Variants in NELFA observed in about 807,000 individuals in gnomAD.
The protein encoded by NELFA is negative elongation factor A.
In NELFA, 35 loss-of-function variants were observed where a neutral mutation model predicts 51.8. The observed-to-expected ratio is 0.68, with a 90% CI of 0.52 to 0.90. NELFA has a LOEUF of 0.90. NELFA is among the 40% of genes least tolerant of loss of function. NELFA has a pLI of 0.00. For missense variants in NELFA, 658 were observed against 746.4 expected, an observed-to-expected ratio of 0.88 and a Z score of 1.38; for synonymous variants, 417 against 338.4, an observed-to-expected ratio of 1.23 and a Z score of -2.55.
Position 1,986,372 on chromosome 4 carries a change from G to A in NELFA, c.665C>T (p.Pro222Leu). The change falls in exon 5 of 11, where the codon CCC becomes CTC. Residue 222 changes from proline (P) to leucine (L), a missense_variant. By Grantham distance (98) the Pro-to-Leu change is moderately conservative. Around this residue, in one of 3 missense-constraint regions of NELFA, gnomAD observed 371 missense variants for 448.3 expected, o/e 0.83. Coordinates refer to ENST00000382882, the MANE Select transcript of NELFA (RefSeq NM_005663.5). The part of the protein sequence containing the change: ...TPLKGIPKQA[P>L]FRSPTAPSVF... Reference sequence around the variant, plus strand: ...GCTGGGCGCCGTGGGGCTTCTGAAGGGCGCCTGCTTCGGGATGCCTTTGAG... The same window carrying A: ...GCTGGGCGCCGTGGGGCTTCTGAAGAGCGCCTGCTTCGGGATGCCTTTGAG... The A allele has an allele frequency of 1.2e-6, 2 of 1,610,856 alleles. No homozygotes were observed. The highest frequency in any genetic ancestry group is 1.7e-6 in the Non-Finnish European group (2 of 1,178,892).
chr4:1,993,593 A>G (rs1025376518), intron 1 of NELFA, among the ~76,000 whole-genome samples: 3 of 150,280 alleles, frequency 2.0e-5, no homozygotes, highest in Non-Finnish European at 4.4e-5. Flanking sequence ...AAAAAAAAGA[A>G]AGAAAGAAAG....
chr4:2,002,882 T>C (rs1728615623), intron 1 of NELFA, among the ~76,000 whole-genome samples: 1 of 152,026 alleles, frequency 6.6e-6, no homozygotes, highest in South Asian at 2.1e-4. Context: ...AATTGACAAA[T>C]GGGATCTAAT....
Position 1,989,928 on chromosome 4 carries a change from A to T in NELFA, c.383-59T>A, listed in dbSNP as rs961104231. On this transcript the variant is annotated intron_variant, in intron 2 of 10. Transcript: ENST00000382882. The surrounding 1 kb of genome is among the most constrained non-coding windows in gnomAD (Gnocchi z 4.8). Reference sequence around the variant, plus strand: ...CCAGGCCGCAGACCTCCCGGCTGAGAGGAGCTGGCGGCTGCCCAGCCCCAC... The same window carrying T: ...CCAGGCCGCAGACCTCCCGGCTGAGTGGAGCTGGCGGCTGCCCAGCCCCAC... 14 of 1,574,058 alleles carry T rather than the reference A, an allele frequency of 8.9e-6. No homozygotes were observed. The highest frequency in any genetic ancestry group is 1.8e-4 in the Middle Eastern group (1 of 5,540).
At chr4:1,985,703 A>G in intron 7 of NELFA, 73 bp downstream of exon 7, 1 of 1,145,430 alleles carries the variant, frequency 8.7e-7, no homozygotes, top group South Asian at 1.3e-5. Flanking sequence ...GACAGAGCAC[A>G]CTAGTGGCCA....
intron 1 of NELFA, among the ~76,000 whole-genome samples, chr4:1,995,840 A>C (rs955598018): frequency 6.6e-6 from 1 of 151,902 alleles, no homozygotes; most frequent in Non-Finnish European, 1.5e-5. Flanking sequence ...CAAACCCATA[A>C]TCCTAACGGG....
chr4:1,994,067 C>T (rs1728357522), intron 1 of NELFA, among the ~76,000 whole-genome samples: 1 of 152,170 alleles, frequency 6.6e-6, no homozygotes, highest in Non-Finnish European at 1.5e-5. Flanking sequence ...ATGTCTCTTC[C>T]TCTTCCCTGG....
intron 1 of NELFA, chr4:1,992,585 T>G (rs946894151): frequency 4.0e-6 from 1 of 246,986 alleles, no homozygotes; most frequent in African/African-American, 2.4e-5. Context: ...CCCTGCCCTG[T>G]CCAGACGCCG....
At chr4:1,988,029 T>A in intron 3 of NELFA, 22 bp from the exon 4 acceptor site, 2 of 1,599,214 alleles carry the variant, frequency 1.3e-6, no homozygotes, top group East Asian at 4.5e-5. Context: ...AGGTCACATA[T>A]GTCAGGGATC....
intron 1 of NELFA, chr4:1,992,486 T>C (rs113383417): frequency 2.3e-6 from 1 of 432,890 alleles, no homozygotes. Context: ...AGCCAGGCCA[T>C]GGCGTGCCTG....
intron 7 of NELFA, 31 bp from the exon 8 acceptor site, chr4:1,984,950 A>AT: frequency 2.7e-6 from 4 of 1,491,670 alleles, no homozygotes; most frequent in Non-Finnish European, 3.7e-6. Context: ...TTCCTTCCAG[A>AT]AGAGGCCATG....
chr4:1,986,480 C>A, intron 4 of NELFA, 78 bp from the exon 5 acceptor site: 1 of 1,603,546 alleles, frequency 6.2e-7, no homozygotes, highest in Non-Finnish European at 8.5e-7. Context: ...AACGTCCCAC[C>A]CTCTTCTAGG....
chr4:2,002,036 T>TA (rs1246949292), intron 1 of NELFA, among the ~76,000 whole-genome samples: 1 of 149,690 alleles, frequency 6.7e-6, no homozygotes, highest in Admixed American at 6.7e-5. Flanking sequence ...CTGTCTCTAC[T>TA]AAAAATACAA....
At position 1,984,879 on chromosome 4, in the gene NELFA, G is replaced by C. The variant is rs369737355; in HGVS notation, c.965C>G (p.Thr322Arg). The C allele has an allele frequency of 1.9e-6, 3 of 1,580,392 alleles. No individual in the cohort carries two copies. The highest frequency in any genetic ancestry group is 1.3e-5 in the African/African-American group (1 of 74,410). The change falls in exon 8 of 11, where the codon ACG becomes AGG. Residue 322 changes from threonine (T) to arginine (R), a missense_variant. Around this residue, in one of 3 missense-constraint regions of NELFA, gnomAD observed 200 missense variants for 167.9 expected, o/e 1.19. Transcript: ENST00000382882. The part of the protein sequence containing the change: ...SLNNEPALPS[T>R]SYLPSTPSVV... ...GCTGGGCGTGGAGGGAAGGTAGCTC[G>C]TGGAGGGCAGCGCAGGCTCATTGTT... is the stretch of plus-strand genomic sequence containing the variant.
rs151160222 is a variant in NELFA, at chr4:1,985,779, C to T, written c.921G>A (p.Thr307=). The T allele has an allele frequency of 1.6e-5, 26 of 1,612,806 alleles. No individual in the cohort carries two copies. The African/African-American group carries it at 1.7e-4, about 11-fold the overall frequency. ...TPDYAAGLVS[T]QKLGSLNNEP... Reference sequence around the variant, plus strand: ...GGGGTGCAGCCCCGAGCCCTACCTGCGTGGACACCAGGCCGGCTGCGTAGT... The same window carrying T: ...GGGGTGCAGCCCCGAGCCCTACCTGTGTGGACACCAGGCCGGCTGCGTAGT... The change falls in exon 7 of 11, where the codon ACG becomes ACA. Residue 307 remains threonine, a synonymous_variant. Coordinates refer to ENST00000382882, the MANE Select transcript of NELFA (RefSeq NM_005663.5).
At chr4:2,000,623 G>A (rs1189194808) in intron 1 of NELFA, among the ~76,000 whole-genome samples, 1 of 152,078 alleles carries the variant, frequency 6.6e-6, no homozygotes, top group Non-Finnish European at 1.5e-5. Flanking sequence ...TCCCTGACTA[G>A]ACCAATAACA....
At chr4:1,984,192 G>A in intron 8 of NELFA, 79 bp from the exon 9 acceptor site, 1 of 1,399,956 alleles carries the variant, frequency 7.1e-7, no homozygotes, top group East Asian at 2.5e-5. Context: ...GAGGTGACAG[G>A]CTCAGCTCCC....
At chr4:1,988,585 G>T (rs947473884) in intron 3 of NELFA, among the ~76,000 whole-genome samples, 2 of 152,230 alleles carry the variant, frequency 1.3e-5, no homozygotes, top group African/African-American at 4.8e-5. Flanking sequence ...CTGGGCCCTG[G>T]CTGCTGCCCG....
intron 2 of NELFA, among the ~76,000 whole-genome samples, chr4:1,990,721 T>C (rs970100973): frequency 4.6e-5 from 7 of 152,204 alleles, no homozygotes; most frequent in African/African-American, 7.2e-5. Flanking sequence ...CCAGTTCCAA[T>C]TGTCCAAAGC....
At chr4:2,006,398 G>A (rs766738126) in intron 1 of NELFA, among the ~76,000 whole-genome samples, 5 of 152,130 alleles carry the variant, frequency 3.3e-5, no homozygotes, top group Admixed American at 6.6e-5. Flanking sequence ...CCCTCGGGGA[G>A]ACACAATAGG....
Sources: gnomAD v4.1 joint callset for allele counts (sites outside exome capture counted in the v4.1 genomes callset) on GRCh38, gnomAD v4.1.1 for gene constraint, gnomAD v4.1.1 regional missense constraint, Gnocchi (gnomAD v3.1) non-coding constraint, MANE v1.5 for transcripts, NCBI Gene and HGNC (gene_info 2026-07-23, HGNC 2026-07-21) for gene names.